Variants in GLDC observed in about 807,000 individuals in gnomAD.
GLDC encodes the protein glycine dehydrogenase (decarboxylating), mitochondrial.
A neutral mutation model predicts 121.3 loss-of-function variants in GLDC; 104 were observed. The observed-to-expected ratio is 0.86, with a 90% CI of 0.73 to 1.01. The LOEUF (loss-of-function observed/expected upper bound fraction) is 1.01, where lower values mean the gene tolerates loss of function less well. Among genes scored for constraint, GLDC ranks in the 50% least tolerant of loss-of-function variants. The probability of loss-of-function intolerance (pLI) is 0.00; values close to 1 mark genes in which losing one functional copy is unlikely to be tolerated. For missense variants in GLDC, 1,429 were observed against 1,306.6 expected, an observed-to-expected ratio of 1.09 and a Z score of -1.44; for synonymous variants, 546 against 480.6, an observed-to-expected ratio of 1.14 and a Z score of -1.78.
At chr9:6,620,427 A>T in intron 2 of GLDC, 108 bp from the exon 3 acceptor site, 1 of 961,068 alleles carries the variant, frequency 1.0e-6, no homozygotes, top group Non-Finnish European at 1.7e-6. Flanking sequence ...GAATAACTAT[A>T]TGGAAAATGT....
At chr9:6,536,362 G>C (rs1587909751) in intron 22 of GLDC, 126 bp from the exon 23 acceptor site, 5 of 842,464 alleles carry the variant, frequency 5.9e-6, no homozygotes, top group Non-Finnish European at 9.9e-6. Context: ...GCAAATGTAT[G>C]TATGTGGGGA....
At chr9:6,619,373 T>C (rs1819034272) in intron 3 of GLDC, among the ~76,000 whole-genome samples, 1 of 150,530 alleles carries the variant, frequency 6.6e-6, no homozygotes. Flanking sequence ...CAGTCAGTTG[T>C]GAATCAAAAA....
In GLDC at chr9:6,630,442, C is replaced by T. The variant is rs146833795; in HGVS notation, c.335-10123G>A. Among the ~76,000 whole-genome samples, 432 of 152,154 alleles carry T rather than the reference C, an allele frequency of 2.8e-3. 4 individuals are homozygous for T. The highest frequency in any genetic ancestry group is 7.9e-3 in the Admixed American group (120 of 15,284). Reference sequence around the variant, plus strand: ...CGCCTCACACACAGCAGCCACTAACCGCGTCAGAGCCTCCCTCACTCTTCG... The same window carrying T: ...CGCCTCACACACAGCAGCCACTAACTGCGTCAGAGCCTCCCTCACTCTTCG... On this transcript the variant is annotated intron_variant, in intron 2 of 24. Transcript: ENST00000321612.
rs148374058 is a variant in GLDC, at chr9:6,545,279, T to C, written c.2570-5133A>G. ...TACTTACATAAACTAGTTGGTAAAG[T>C]CTACTATATATACCTAGGCTACATG... On this transcript the variant is annotated intron_variant, in intron 21 of 24. Coordinates refer to ENST00000321612, the MANE Select transcript of GLDC (RefSeq NM_000170.3). 3.1e-3 allele frequency among the ~76,000 whole-genome samples: 473 copies of C among 152,296 alleles called. 1 individual carries two copies. Among genetic ancestry groups the C allele is most frequent in the African/African-American group, 0.011 (441 of 41,572 alleles).
At chr9:6,588,232 GA>G (rs1453852275) in intron 14 of GLDC, among the ~76,000 whole-genome samples, 168 bp downstream of exon 14, 1 of 152,142 alleles carries the variant, frequency 6.6e-6, no homozygotes, top group African/African-American at 2.4e-5. Flanking sequence ...GAAGTCGTGA[GA>G]AATACAGGGT....
chr9:6,564,046 G>A (rs1362352741), intron 16 of GLDC, among the ~76,000 whole-genome samples: 2 of 152,014 alleles, frequency 1.3e-5, no homozygotes, highest in African/African-American at 2.4e-5. Context: ...TCAGGAGTTC[G>A]AGACTAGCCT....
intron 21 of GLDC, among the ~76,000 whole-genome samples, chr9:6,547,811 T>C (rs911624483): frequency 6.6e-6 from 1 of 152,144 alleles, no homozygotes; most frequent in Non-Finnish European, 1.5e-5. Flanking sequence ...ATGCTCATAA[T>C]ATACATTTAA....
rs1287914213 is a variant in GLDC at position 6,639,442 on chromosome 9, A to T, written c.334+5172T>A. 1.2e-5 allele frequency: 11 copies of T among 907,252 alleles called. No homozygotes were observed. The African/African-American group carries it at 1.6e-4, about 13-fold the overall frequency. The allele number at this position is 907,252 out of a possible 1,614,324, so 56.2% of individuals were successfully genotyped here. A position where few individuals can be genotyped will look rare whatever the true frequency, so the allele number is the denominator to read the frequency against. ...AACAACACACTTGTGTTCATTGTGGATGTTAAAGTCAACAAGCACCAGATT... is the reference window on the plus strand; with the variant it reads ...AACAACACACTTGTGTTCATTGTGGTTGTTAAAGTCAACAAGCACCAGATT... On this transcript the variant is annotated intron_variant, in intron 2 of 24. Coordinates refer to ENST00000321612, the MANE Select transcript of GLDC (RefSeq NM_000170.3).
chr9:6,598,982 AC>A (rs1818544889), intron 8 of GLDC, among the ~76,000 whole-genome samples: 1 of 152,070 alleles, frequency 6.6e-6, no homozygotes, highest in Non-Finnish European at 1.5e-5. Context: ...GGAGTTCGAG[AC>A]CAGCCTGGCC....
chr9:6,582,914 C>T (rs1053370567), intron 15 of GLDC, among the ~76,000 whole-genome samples: 6 of 151,904 alleles, frequency 3.9e-5, no homozygotes, highest in African/African-American at 1.5e-4. Flanking sequence ...CTTGAATACA[C>T]GTTTCTCCAA....
intron 3 of GLDC, among the ~76,000 whole-genome samples, chr9:6,619,003 C>T (rs543257766): frequency 5.5e-4 from 83 of 151,822 alleles, no homozygotes; most frequent in African/African-American, 1.8e-3. Flanking sequence ...ATTACCCAGG[C>T]ACACTGGCAG....
intron 1 of GLDC, among the ~76,000 whole-genome samples, 164 bp downstream of exon 1, chr9:6,645,081 C>A (rs1819713640): frequency 6.6e-6 from 1 of 152,202 alleles, no homozygotes; most frequent in African/African-American, 2.4e-5. Flanking sequence ...TAAGAAGGCA[C>A]GAGGACCAAA....
At chr9:6,593,268 G>GATATATATATATATATATATAT (rs34438524) in intron 9 of GLDC, among the ~76,000 whole-genome samples, 95 of 143,902 alleles carry the variant, frequency 6.6e-4, no homozygotes, top group African/African-American at 2.3e-3. Flanking sequence ...GGTAGTATCA[G>GATATATATATATATATATATAT]ATATATATAT....
chr9:6,639,669 G>GTATATATATATATTTA (rs1819588780), intron 2 of GLDC: 1 of 212,444 alleles, frequency 4.7e-6, no homozygotes, highest in African/African-American at 3.3e-5. Flanking sequence ...TAAAAAAAAA[G>GTATATATATATATTTA]TATATATATA....
chr9:6,534,015 T>A (rs4742210), intron 24 of GLDC: 39,731 of 151,518 alleles, frequency 0.26, 5,467 homozygotes, highest in Admixed American at 0.32. Flanking sequence ...GATCAAGACC[T>A]TCCTGGCTAA....
chr9:6,558,220 A>T, intron 17 of GLDC: 2 of 548,326 alleles, frequency 3.6e-6, no homozygotes, highest in Non-Finnish European at 6.5e-6. Context: ...ACAATTCCTG[A>T]CACGAAGATG....
chr9:6,632,415 CAGTT>C (rs1329667106), intron 2 of GLDC, among the ~76,000 whole-genome samples: 2 of 152,164 alleles, frequency 1.3e-5, no homozygotes, highest in Non-Finnish European at 2.9e-5. Flanking sequence ...ATTGTTCAGT[CAGTT>C]AGTATGTTGA....
At position 6,535,848 on chromosome 9, in the gene GLDC, T is replaced by C. The variant is rs568544752; in HGVS notation, c.2838+216A>G. On this transcript the variant is annotated intron_variant, in intron 23 of 24. Transcript: ENST00000321612. ...TACAAATTCTCCAACTAGACAGCTGTGGACAGCTTCCACAACCACATCATC... is the reference window on the plus strand; with the variant it reads ...TACAAATTCTCCAACTAGACAGCTGCGGACAGCTTCCACAACCACATCATC... 42 of 589,402 alleles carry C rather than the reference T, an allele frequency of 7.1e-5. 1 individual carries two copies. The South Asian group carries it at 7.9e-4, about 11-fold the overall frequency. The allele number at this position is 589,402 out of a possible 1,614,324, so 36.5% of individuals were successfully genotyped here.
chr9:6,576,588 T>C (rs1818070091), intron 15 of GLDC, among the ~76,000 whole-genome samples: 1 of 152,134 alleles, frequency 6.6e-6, no homozygotes, highest in Admixed American at 6.5e-5. Flanking sequence ...TGCCTCAGCC[T>C]CCCGAGTAGC....
Sources: gnomAD v4.1 joint callset for allele counts (sites outside exome capture counted in the v4.1 genomes callset) on GRCh38, gnomAD v4.1.1 for gene constraint, MANE v1.5 for transcripts, NCBI Gene and HGNC (gene_info 2026-07-23, HGNC 2026-07-21) for gene names.